Variants in CHRM3 observed in about 807,000 individuals in gnomAD.
CHRM3 encodes muscarinic acetylcholine receptor M3.
Under a neutral mutation model 41.8 loss-of-function variants are expected in CHRM3, and 11 were observed. The observed-to-expected ratio is 0.26, with a 90% CI of 0.17 to 0.44. The LOEUF (loss-of-function observed/expected upper bound fraction) is 0.44, where lower values mean the gene tolerates loss of function less well. Ranked by LOEUF, CHRM3 falls within the 20% of genes least tolerant of loss-of-function variation. The pLI is 1.00. For missense variants in CHRM3, 571 were observed against 745.4 expected, an observed-to-expected ratio of 0.77 and a Z score of 2.72; for synonymous variants, 297 against 301.4, an observed-to-expected ratio of 0.99 and a Z score of 0.15.
chr1:239,862,668 A>G (rs1314303755), intron 6 of CHRM3, among the ~76,000 whole-genome samples: 1 of 152,196 alleles, frequency 6.6e-6, no homozygotes, highest in Non-Finnish European at 1.5e-5. Context: ...TTATTTAGTA[A>G]CATGTTTGAA....
chr1:239,847,572 A>G (rs887031499), intron 6 of CHRM3, among the ~76,000 whole-genome samples: 4 of 151,854 alleles, frequency 2.6e-5, no homozygotes, highest in African/African-American at 9.7e-5. Flanking sequence ...AGTCAAGGAA[A>G]AATAACCACC....
rs1199121324 is a variant in CHRM3 at position 239,387,368 on chromosome 1, G to A, written c.-521+141G>A. The A allele has an allele frequency of 6.6e-6, 1 of 152,190 alleles. No individual in the cohort carries two copies. Among genetic ancestry groups the A allele is most frequent in the African/African-American group, 2.4e-5 (1 of 41,412 alleles). The allele number at this position is 152,190 out of a possible 1,614,324, so 9.4% of individuals were successfully genotyped here. On this transcript the variant is annotated intron_variant, in intron 1 of 6. Coordinates refer to ENST00000676153, the MANE Select transcript of CHRM3 (RefSeq NM_001375978.1). This position sits in a 1 kb window ranked among gnomAD's most constrained non-coding sequence, Gnocchi z 5.1. ...AGAGGTCTTGTGTTTGGAGTCCAAAGAAGGGGCTGGGTAGGGACGAGAGAG... is the reference window on the plus strand; with the variant it reads ...AGAGGTCTTGTGTTTGGAGTCCAAAAAAGGGGCTGGGTAGGGACGAGAGAG...
At chr1:239,532,167 A>T (rs1281093393) in intron 2 of CHRM3, among the ~76,000 whole-genome samples, 1 of 143,726 alleles carries the variant, frequency 7.0e-6, no homozygotes. Context: ...CGCTGCCACC[A>T]CGCCCGGCTA....
At chr1:239,574,034 C>T (rs958642897) in intron 3 of CHRM3, among the ~76,000 whole-genome samples, 1 of 152,082 alleles carries the variant, frequency 6.6e-6, no homozygotes, top group Admixed American at 6.6e-5. Context: ...ACCCTGAAAT[C>T]ATCTCATCTA....
At chr1:239,804,330 G>GTCAT (rs1670452404) in intron 5 of CHRM3, among the ~76,000 whole-genome samples, 2 of 104,422 alleles carry the variant, frequency 1.9e-5, no homozygotes, top group South Asian at 5.9e-4. Flanking sequence ...ATCCTCAAAG[G>GTCAT]TCATTCATTG....
intron 6 of CHRM3, among the ~76,000 whole-genome samples, chr1:239,860,136 A>T (rs1261764516): frequency 1.3e-5 from 2 of 152,106 alleles, no homozygotes; most frequent in African/African-American, 4.8e-5. Flanking sequence ...TTTCTCAGGG[A>T]GTTGGAGCTG....
chr1:239,644,444 G>A (rs556548639), intron 4 of CHRM3, among the ~76,000 whole-genome samples: 81 of 150,338 alleles, frequency 5.4e-4, no homozygotes, highest in African/African-American at 1.8e-3. Context: ...TTCTCCCCAC[G>A]TCGTCATGCC....
chr1:239,692,025 C>T (rs1659766559), intron 5 of CHRM3, among the ~76,000 whole-genome samples: 1 of 152,226 alleles, frequency 6.6e-6, no homozygotes. Flanking sequence ...ACATCAGTTT[C>T]CTCGAGACTC....
chr1:239,503,618 A>C (rs946506584), intron 2 of CHRM3, among the ~76,000 whole-genome samples: 4 of 152,218 alleles, frequency 2.6e-5, no homozygotes, highest in Non-Finnish European at 5.9e-5. Flanking sequence ...AGCAATACTA[A>C]GCAAAAAGAA....
chr1:239,694,744 A>T (rs184661044), intron 5 of CHRM3, among the ~76,000 whole-genome samples: 45 of 152,344 alleles, frequency 3.0e-4, no homozygotes, highest in Admixed American at 5.2e-4. Context: ...GTATTTTAAG[A>T]TAAACAATAT....
At chr1:239,661,388 A>G (rs1673179182) in intron 4 of CHRM3, among the ~76,000 whole-genome samples, 1 of 152,226 alleles carries the variant, frequency 6.6e-6, no homozygotes, top group Non-Finnish European at 1.5e-5. Context: ...TTTAGGTTCT[A>G]AAGTCAGTTT....
chr1:239,726,687 T>A (rs1663469578), intron 5 of CHRM3, among the ~76,000 whole-genome samples: 1 of 151,940 alleles, frequency 6.6e-6, no homozygotes, highest in Admixed American at 6.6e-5. Flanking sequence ...TGTTTTCTGC[T>A]GAATGTAAAA....
chr1:239,586,294 G>A (rs1200526607), intron 3 of CHRM3, among the ~76,000 whole-genome samples: 1 of 152,060 alleles, frequency 6.6e-6, no homozygotes. Context: ...TTTTGTGGAT[G>A]TTAGCTCTGG....
intron 6 of CHRM3, among the ~76,000 whole-genome samples, chr1:239,827,659 T>TA (rs1407395174): frequency 6.6e-6 from 1 of 152,118 alleles, no homozygotes; most frequent in Admixed American, 6.5e-5. Flanking sequence ...CTATTACTCA[T>TA]ATTATTTTTG....
At chr1:239,580,903 C>T (rs1572780133) in intron 3 of CHRM3, among the ~76,000 whole-genome samples, 1 of 151,838 alleles carries the variant, frequency 6.6e-6, no homozygotes, top group African/African-American at 2.4e-5. Flanking sequence ...CCACCTTTGG[C>T]AGGGCATTCT....
At chr1:239,719,591 G>A (rs376703491) in intron 5 of CHRM3, 2 of 151,858 alleles carry the variant, frequency 1.3e-5, no homozygotes, top group East Asian at 3.9e-4. Context: ...AGGAATTACT[G>A]GGTCATCAGC....
At chr1:239,803,871 C>T (rs553749233) in intron 5 of CHRM3, among the ~76,000 whole-genome samples, 8 of 152,158 alleles carry the variant, frequency 5.3e-5, no homozygotes, top group South Asian at 2.1e-4. Context: ...TTGGAGATCC[C>T]GGTAACTGCA....
At position 239,912,436 on chromosome 1, in the gene CHRM3, A is replaced by G. The variant is rs1381254528; in HGVS notation, c.*3212A>G. On this transcript the variant is annotated 3_prime_UTR_variant, in exon 7 of 7. Coordinates refer to ENST00000676153, the MANE Select transcript of CHRM3 (RefSeq NM_001375978.1). ...TACAATAGTTGTAGACTCTGACGGA[A>G]TGAAAACAAACAAGAAGCCTAAGCG... 2 of 167,124 alleles carry G rather than the reference A, an allele frequency of 1.2e-5. No individual in the cohort carries two copies. The highest frequency in any genetic ancestry group is 2.4e-5 in the African/African-American group (1 of 41,454). 10.4% of individuals were successfully genotyped at this position (167,124 alleles called of 1,614,324 possible). A position where few individuals can be genotyped will look rare whatever the true frequency, so the allele number is the denominator to read the frequency against.
chr1:239,419,876 A>T (rs545644732), intron 1 of CHRM3, among the ~76,000 whole-genome samples: 70 of 152,326 alleles, frequency 4.6e-4, no homozygotes, highest in Middle Eastern at 3.4e-3. Context: ...AATATAAAAC[A>T]ATTTTATTTA....
Sources: allele counts gnomAD v4.1 joint callset (sites outside exome capture counted in the v4.1 genomes callset), GRCh38; gene constraint gnomAD v4.1.1; non-coding constraint Gnocchi (gnomAD v3.1); transcripts MANE v1.5; gene names NCBI Gene and HGNC (gene_info 2026-07-23, HGNC 2026-07-21).